The following ABCC11 variants were observed in gnomAD, a reference collection of about 807,000 sequenced individuals.
ABCC11 encodes the protein ATP binding cassette subfamily C member 11.
A neutral mutation model predicts 149.3 loss-of-function variants in ABCC11; 135 were observed. That is an observed-to-expected ratio of 0.90 (90% CI 0.79 to 1.04). The LOEUF is 1.04. ABCC11 is among the 50% of genes least tolerant of loss of function. ABCC11 has a pLI of 0.00. For synonymous variants in ABCC11, 665 were observed against 671.4 expected (o/e 0.99, Z 0.15); for missense variants, 1,680 against 1,722.1 (o/e 0.98, Z 0.43).
chr16:48,193,276 C>T (rs1473932869), intron 19 of ABCC11, among the ~76,000 whole-genome samples: 1 of 152,290 alleles, frequency 6.6e-6, no homozygotes, highest in Non-Finnish European at 1.5e-5. Context: ...GTGGCTTCTG[C>T]TCTCCTGACC....
At chr16:48,171,349 A>G (rs1382325527) in intron 26 of ABCC11, among the ~76,000 whole-genome samples, 2 of 152,190 alleles carry the variant, frequency 1.3e-5, no homozygotes, top group African/African-American at 2.4e-5. Context: ...TCAGGCTACC[A>G]TGGGAGACGT....
chr16:48,176,799 C>T, intron 25 of ABCC11, 125 bp downstream of exon 25: 1 of 1,167,440 alleles, frequency 8.6e-7, no homozygotes, highest in Non-Finnish European at 1.2e-6. Context: ...GCACAGGGCC[C>T]AGCACAGCAT....
rs753338581 is a variant in ABCC11 at position 48,187,191 on chromosome 16, A to G, written c.2933+10T>C. ...GCTCCCCAAGTCACAAGCAAAAAGA[A>G]CCTACTCACATATAATAAATGAAGC... On this transcript the variant is annotated intron_variant, in intron 21 of 29. Transcript: ENST00000356608. 6.2e-7 allele frequency: 1 copy of G among 1,613,914 alleles called. No individual in the cohort carries two copies. Among genetic ancestry groups the G allele is most frequent in the Non-Finnish European group, 8.5e-7 (1 of 1,179,910 alleles).
chr16:48,207,213 G>A (rs994360959), intron 12 of ABCC11, among the ~76,000 whole-genome samples: 6 of 152,176 alleles, frequency 3.9e-5, no homozygotes, highest in Admixed American at 6.5e-5. Context: ...AGCCCAGGAG[G>A]GGGTGAGGTT....
intron 26 of ABCC11, among the ~76,000 whole-genome samples, chr16:48,173,563 G>A (rs1380232847): frequency 6.6e-6 from 1 of 152,158 alleles, no homozygotes; most frequent in Admixed American, 6.5e-5. Flanking sequence ...CTGTAACATA[G>A]AAATCTATCA....
At chr16:48,209,992 T>C (rs1037744282) in intron 11 of ABCC11, 2 of 151,994 alleles carry the variant, frequency 1.3e-5, no homozygotes, top group African/African-American at 4.8e-5. Flanking sequence ...GGAGGGGCTA[T>C]GGTGAGGGTG....
In ABCC11 at chr16:48,177,115, T is replaced by C. The variant is rs1287696298; in HGVS notation, c.3349-2A>G. 1 of 1,610,730 alleles carries C rather than the reference T, an allele frequency of 6.2e-7. No individual in the cohort carries two copies. The highest frequency in any genetic ancestry group is 1.3e-5 in the African/African-American group (1 of 74,678). On this transcript the variant is annotated splice_acceptor_variant, in intron 24 of 29. Transcript: ENST00000356608. LOFTEE classifies it high-confidence loss of function. ...TAAAGGAGCTTCCGAGACACACATC[T>C]TGTTTTTGAAGAAAGAAAAAGAAAT...
At chr16:48,193,101 C>A (rs1346201161) in intron 19 of ABCC11, among the ~76,000 whole-genome samples, 1 of 152,206 alleles carries the variant, frequency 6.6e-6, no homozygotes, top group East Asian at 1.9e-4. Flanking sequence ...TCAGTGGCAA[C>A]TGTGGGCAGG....
intron 5 of ABCC11, 62 bp from the exon 6 acceptor site, chr16:48,222,893 T>C (rs1261996897): frequency 7.1e-7 from 1 of 1,417,002 alleles, no homozygotes; most frequent in African/African-American, 1.4e-5. Flanking sequence ...TGATGTTTTG[T>C]TGCTGGAAGA....
At position 48,211,170 on chromosome 16, in the gene ABCC11, G is replaced by T. The variant is rs771272273; in HGVS notation, c.1386C>A (p.Phe462Leu). The change falls in exon 11 of 30, where the codon TTC becomes TTA. Residue 462 changes from phenylalanine to leucine, a missense_variant. Phe to Leu is a conservative substitution (Grantham distance 22, BLOSUM62 0). Transcript: ENST00000356608. ...KKFFLQESPV[F>L]YVQTLQDPSK... ...TGGGGTCTTGTAATGTCTGGACATAGAAAACAGGGCTCTCCTGGAGGAAAA... is the reference window on the plus strand; with the variant it reads ...TGGGGTCTTGTAATGTCTGGACATATAAAACAGGGCTCTCCTGGAGGAAAA... 90 of 1,614,082 alleles carry T rather than the reference G, an allele frequency of 5.6e-5. No homozygotes were observed. Among genetic ancestry groups the T allele is most frequent in the Non-Finnish European group, 7.2e-5 (85 of 1,180,042 alleles).
intron 1 of ABCC11, among the ~76,000 whole-genome samples, chr16:48,235,853 G>A (rs1263750171): frequency 6.6e-6 from 1 of 152,226 alleles, no homozygotes; most frequent in Non-Finnish European, 1.5e-5. Flanking sequence ...TGGTTTGGAC[G>A]TGGGTTGTTT....
At position 48,211,181 on chromosome 16, in the gene ABCC11, T is replaced by C; in HGVS notation, c.1375A>G (p.Ser459Gly). The change falls in exon 11 of 30, where the codon AGC becomes GGC. Residue 459 changes from serine to glycine, a missense_variant. Coordinates refer to ENST00000356608, the MANE Select transcript of ABCC11 (RefSeq NM_001370497.1). Reference protein sequence around the residue: ...MRFKKFFLQESPVFYVQTLQD... With the variant: ...MRFKKFFLQEGPVFYVQTLQD... ...AATGTCTGGACATAGAAAACAGGGCTCTCCTGGAGGAAAAACTTCTGTAAA... is the reference window on the plus strand; with the variant it reads ...AATGTCTGGACATAGAAAACAGGGCCCTCCTGGAGGAAAAACTTCTGTAAA... 1 of 1,613,812 alleles carries C rather than the reference T, an allele frequency of 6.2e-7. No homozygotes were observed. Among genetic ancestry groups the C allele is most frequent in the Non-Finnish European group, 8.5e-7 (1 of 1,179,944 alleles).
chr16:48,223,869 G>A (rs142622413), intron 5 of ABCC11, among the ~76,000 whole-genome samples: 2 of 152,336 alleles, frequency 1.3e-5, no homozygotes, highest in East Asian at 1.9e-4. Flanking sequence ...AACATGTGCT[G>A]AGCCAGGCCA....
intron 1 of ABCC11, among the ~76,000 whole-genome samples, chr16:48,233,222 A>C (rs1485579424): frequency 6.6e-6 from 1 of 152,170 alleles, no homozygotes; most frequent in Non-Finnish European, 1.5e-5. Flanking sequence ...CAAAACAAAC[A>C]TTCAAATATT....
chr16:48,167,193 T>G lies in ABCC11; in HGVS notation c.*81A>C. 3.0e-6 allele frequency: 2 copies of G among 663,856 alleles called. No homozygotes were observed. Among genetic ancestry groups the G allele is most frequent in the African/African-American group, 1.9e-5 (1 of 52,008 alleles). 41.1% of individuals were successfully genotyped at this position (663,856 alleles called of 1,614,324 possible). A position where few individuals can be genotyped will look rare whatever the true frequency, so the allele number is the denominator to read the frequency against. The stretch of plus-strand genomic sequence containing the variant: ...AAGTTCTCATCTCCAAACAAGAAGG[T>G]CGCAGACTGTGGGCCTCGAAGCTGC... On this transcript the variant is annotated 3_prime_UTR_variant, in exon 30 of 30. Coordinates refer to ENST00000356608, the MANE Select transcript of ABCC11 (RefSeq NM_001370497.1).
rs540027872 is a variant in ABCC11, at chr16:48,203,367, C to T, written c.1806-67G>A. 3.7e-5 allele frequency: 52 copies of T among 1,406,242 alleles called. 1 individual carries two copies. In the South Asian group the frequency reaches 4.7e-4, roughly 13 times the overall value. 87.1% of individuals were successfully genotyped at this position (1,406,242 alleles called of 1,614,324 possible). ...TCCCGCCCATCACCCTTCCCAGTGT[C>T]GAGAGGAATGGTCTTGATTTTCATG... On this transcript the variant is annotated intron_variant, in intron 13 of 29. Coordinates refer to ENST00000356608, the MANE Select transcript of ABCC11 (RefSeq NM_001370497.1).
At chr16:48,233,082 T>C (rs1370808995) in intron 1 of ABCC11, among the ~76,000 whole-genome samples, 1 of 152,138 alleles carries the variant, frequency 6.6e-6, no homozygotes, top group Admixed American at 6.6e-5. Flanking sequence ...ACGCTTGTGG[T>C]CTCAGCTACT....
chr16:48,175,596 G>A (rs1000228051), intron 25 of ABCC11, among the ~76,000 whole-genome samples, 179 bp from the exon 26 acceptor site: 10 of 152,214 alleles, frequency 6.6e-5, no homozygotes, highest in Non-Finnish European at 1.2e-4. Flanking sequence ...CTAATGCCAT[G>A]AGCAGCTTGT....
intron 12 of ABCC11, 72 bp downstream of exon 12, chr16:48,208,353 C>T (rs1968621169): frequency 7.0e-6 from 11 of 1,578,374 alleles, no homozygotes; most frequent in Non-Finnish European, 9.5e-6. Flanking sequence ...GGGGGCCCCG[C>T]CTGGGGCACT....
Sources: gnomAD v4.1 joint callset for allele counts (sites outside exome capture counted in the v4.1 genomes callset) on GRCh38, gnomAD v4.1.1 for gene constraint, MANE v1.5 for transcripts, NCBI Gene and HGNC (gene_info 2026-07-23, HGNC 2026-07-21) for gene names.